The following RNF180 variants were observed in gnomAD, a reference collection of about 807,000 sequenced individuals.
RNF180 encodes the protein ring finger protein 180, also known as E3 ubiquitin-protein ligase RNF180.
In RNF180, 38 loss-of-function variants were observed where a neutral mutation model predicts 59.2. The observed-to-expected ratio is 0.64, with a 90% confidence interval of 0.50 to 0.84. The LOEUF (loss-of-function observed/expected upper bound fraction) is 0.84, where lower values mean the gene tolerates loss of function less well. Ranked by LOEUF, RNF180 falls within the 40% of genes least tolerant of loss-of-function variation. RNF180 has a pLI of 0.00. For missense variants in RNF180, 705 were observed against 700.9 expected (o/e 1.01, Z -0.07); for synonymous variants, 262 against 240.3 (o/e 1.09, Z -0.84).
At chr5:64,222,300 A>C (rs889832391) in intron 5 of RNF180, among the ~76,000 whole-genome samples, 1 of 152,016 alleles carries the variant, frequency 6.6e-6, no homozygotes, top group Non-Finnish European at 1.5e-5. Context: ...TTTTTTTTTA[A>C]TTATACTTTA....
At chr5:64,222,039 TG>T (rs750245516) in intron 5 of RNF180, among the ~76,000 whole-genome samples, 13 of 152,238 alleles carry the variant, frequency 8.5e-5, no homozygotes, top group Non-Finnish European at 1.6e-4. Context: ...TACAATTAGT[TG>T]TCATGTCTCA....
intron 5 of RNF180, among the ~76,000 whole-genome samples, chr5:64,291,350 C>T (rs1429061100): frequency 3.3e-5 from 5 of 150,178 alleles, no homozygotes; most frequent in African/African-American, 1.2e-4. Flanking sequence ...CTCTGGATTT[C>T]CTGAATTGGA....
At chr5:64,298,207 T>A (rs1742984301) in intron 5 of RNF180, among the ~76,000 whole-genome samples, 1 of 152,104 alleles carries the variant, frequency 6.6e-6, no homozygotes, top group Non-Finnish European at 1.5e-5. Context: ...CATTCCTTTT[T>A]ATGGCTGCAT....
intron 5 of RNF180, among the ~76,000 whole-genome samples, chr5:64,242,141 GC>G (rs1272682405): frequency 1.3e-5 from 2 of 152,152 alleles, no homozygotes; most frequent in African/African-American, 4.8e-5. Context: ...CTGGGTTTCA[GC>G]CCTACCCTAC....
intron 2 of RNF180, among the ~76,000 whole-genome samples, 197 bp downstream of exon 2, chr5:64,201,139 A>G (rs1235139183): frequency 6.6e-6 from 1 of 152,228 alleles, no homozygotes; most frequent in Non-Finnish European, 1.5e-5. Context: ...TCCCCTTCCA[A>G]GGTTAAAATT....
chr5:64,257,642 A>G (rs1475761787), intron 5 of RNF180, among the ~76,000 whole-genome samples: 1 of 152,176 alleles, frequency 6.6e-6, no homozygotes, highest in Non-Finnish European at 1.5e-5. Context: ...AATCTTCATC[A>G]GGGATATTGG....
At chr5:64,277,002 A>C (rs187957986) in intron 5 of RNF180, among the ~76,000 whole-genome samples, 1 of 151,942 alleles carries the variant, frequency 6.6e-6, no homozygotes, top group Non-Finnish European at 1.5e-5. Context: ...CATAGGTCCT[A>C]CTTGCTCAGC....
intron 5 of RNF180, among the ~76,000 whole-genome samples, chr5:64,233,178 G>A (rs747981241): frequency 2.0e-5 from 3 of 152,168 alleles, no homozygotes; most frequent in Non-Finnish European, 2.9e-5. Context: ...TTACTATAAG[G>A]TTGTTGGTAA....
chr5:64,368,581 C>G (rs945590808), intron 7 of RNF180, among the ~76,000 whole-genome samples: 1 of 151,874 alleles, frequency 6.6e-6, no homozygotes, highest in Non-Finnish European at 1.5e-5. Context: ...GGCTAATATC[C>G]AGAATCTACA....
At chr5:64,232,358 G>A (rs1219164158) in intron 5 of RNF180, among the ~76,000 whole-genome samples, 2 of 152,144 alleles carry the variant, frequency 1.3e-5, no homozygotes, top group Non-Finnish European at 2.9e-5. Context: ...GACATTGTAA[G>A]TGTTATAAGT....
chr5:64,251,804 GAACT>G (rs1489445631), intron 5 of RNF180, among the ~76,000 whole-genome samples: 1 of 152,048 alleles, frequency 6.6e-6, no homozygotes, highest in African/African-American at 2.4e-5. Flanking sequence ...TACACACAGT[GAACT>G]ATCTGAAAAA....
At chr5:64,175,188 A>C (rs1750166982) in intron 1 of RNF180, among the ~76,000 whole-genome samples, 1 of 151,978 alleles carries the variant, frequency 6.6e-6, no homozygotes, top group African/African-American at 2.4e-5. Flanking sequence ...GCTGGTCTTG[A>C]ACTCCCAACT....
intron 5 of RNF180, among the ~76,000 whole-genome samples, chr5:64,231,110 C>CT (rs1270766752): frequency 6.6e-6 from 1 of 152,178 alleles, no homozygotes; most frequent in Admixed American, 6.5e-5. Flanking sequence ...GCAAGGGCTG[C>CT]TTAGGTAAAA....
chr5:64,213,610 G>C lies in RNF180; in HGVS notation c.284G>C (p.Gly95Ala). The C allele has an allele frequency of 4.3e-6, 7 of 1,614,064 alleles. No individual in the cohort carries two copies. Among genetic ancestry groups the C allele is most frequent in the Non-Finnish European group, 5.9e-6 (7 of 1,179,952 alleles). ...TGTCCTTTCTGTGGGGCCCGTTTAG[G>C]GGGCTTTAATTTTGTCAGCACTCCA... ...LNCPFCGARLGGFNFVSTPKC... is the reference protein window; with the variant it reads ...LNCPFCGARLAGFNFVSTPKC... Residue 95 changes from glycine (G) to alanine (A), a missense_variant, in exon 4 of 8, where the codon GGG (glycine) becomes GCG (alanine). Coordinates refer to ENST00000389100, the MANE Select transcript of RNF180 (RefSeq NM_001113561.2).
chr5:64,367,402 G>A (rs1386206387), intron 7 of RNF180, among the ~76,000 whole-genome samples: 1 of 151,544 alleles, frequency 6.6e-6, no homozygotes, highest in Admixed American at 6.6e-5. Context: ...TTGTGTAGCA[G>A]TAAAAAAAGT....
chr5:64,212,106 G>A lies in RNF180; in HGVS notation c.177G>A (p.Val59=), dbSNP rs1177229456. ...DSVDAQNICH[V]WHMNVEALPE... ...TTGATGCTCAAAATATTTGTCATGTGTGGCACATGAATGTAGAAGCCCTTC... is the reference window on the plus strand; with the variant it reads ...TTGATGCTCAAAATATTTGTCATGTATGGCACATGAATGTAGAAGCCCTTC... Residue 59 remains valine, a synonymous_variant, in exon 3 of 8, where the codon GTG becomes GTA. Transcript: ENST00000389100. 6.2e-7 allele frequency: 1 copy of A among 1,608,596 alleles called. No homozygotes were observed. Among genetic ancestry groups the A allele is most frequent in the Non-Finnish European group, 8.5e-7 (1 of 1,175,362 alleles).
intron 7 of RNF180, among the ~76,000 whole-genome samples, chr5:64,350,646 C>G: frequency 6.6e-6 from 1 of 152,124 alleles, no homozygotes; most frequent in Non-Finnish European, 1.5e-5. Flanking sequence ...GTTTTCCCAG[C>G]ACCATTTATT....
intron 5 of RNF180, among the ~76,000 whole-genome samples, chr5:64,243,694 G>C (rs983779933): frequency 6.6e-6 from 1 of 152,194 alleles, no homozygotes; most frequent in East Asian, 1.9e-4. Flanking sequence ...CTGCCTGCCA[G>C]CTCTGAAGAG....
chr5:64,168,298 A>G (rs570378015), intron 1 of RNF180, among the ~76,000 whole-genome samples: 2 of 152,202 alleles, frequency 1.3e-5, no homozygotes, highest in Non-Finnish European at 1.5e-5. Context: ...TTTTACCACT[A>G]TTAAGGATAT....
Sources: allele counts gnomAD v4.1 joint callset (sites outside exome capture counted in the v4.1 genomes callset), GRCh38; gene constraint gnomAD v4.1.1; transcripts MANE v1.5; gene names NCBI Gene and HGNC (gene_info 2026-07-23, HGNC 2026-07-21).